Variants in YPEL2 observed in about 807,000 individuals in gnomAD.
YPEL2 encodes the protein yippee like 2.
Under a neutral mutation model 19.1 loss-of-function variants are expected in YPEL2, and 2 were observed. The ratio of observed to expected loss-of-function variants is 0.10; its 90% CI spans 0.04 to 0.33. The LOEUF (loss-of-function observed/expected upper bound fraction) is 0.33. Among genes scored for constraint, YPEL2 ranks in the 10% least tolerant of loss-of-function variants. YPEL2 has a pLI of 1.00. For synonymous variants in YPEL2, 52 were observed against 50.0 expected (o/e 1.04, Z -0.17); for missense variants, 66 against 140.7 (o/e 0.47, Z 2.68).
chr17:59,387,669 A>T (rs1013413043), intron 2 of YPEL2, among the ~76,000 whole-genome samples: 2 of 152,154 alleles, frequency 1.3e-5, no homozygotes, highest in African/African-American at 4.8e-5. Context: ...AAAGAAACTA[A>T]TATGTAAGCT....
chr17:59,334,093 C>G (rs2047686154), intron 1 of YPEL2, among the ~76,000 whole-genome samples: 1 of 152,196 alleles, frequency 6.6e-6, no homozygotes, highest in Admixed American at 6.5e-5. Context: ...CCCTCCCTCT[C>G]CACTCCAGCC....
intron 3 of YPEL2, 173 bp from the exon 4 acceptor site, chr17:59,389,186 CA>C (rs148678006): frequency 0.025 from 14,020 of 565,434 alleles, 242 homozygotes; most frequent in Middle Eastern, 0.036. Context: ...AATTTCCTTC[CA>C]GCTGAGATAT....
rs927902932 is a variant in YPEL2 at position 59,353,300 on chromosome 17, G to A, written c.-110G>A. The A allele has an allele frequency of 2.0e-5, 15 of 762,376 alleles. No homozygotes were observed. The highest frequency in any genetic ancestry group is 3.5e-5 in the African/African-American group (2 of 57,260). The allele number at this position is 762,376 out of a possible 1,614,324, so 47.2% of individuals were successfully genotyped here. A position where few individuals can be genotyped will look rare whatever the true frequency, so the allele number is the denominator to read the frequency against. ...TGTGTGGAGCCTGCCACACCCACCC[G>A]CTGCCAAACCACGGCCTTTACCTGT... is the stretch of plus-strand genomic sequence containing the variant. On this transcript the variant is annotated 5_prime_UTR_variant, in exon 2 of 5. Transcript: ENST00000312655. This position sits in a 1 kb window ranked among gnomAD's most constrained non-coding sequence, Gnocchi z 4.8.
chr17:59,355,182 T>G lies in YPEL2; in HGVS notation c.117+1656T>G, dbSNP rs114982392. 202 of 152,332 alleles carry G rather than the reference T, an allele frequency of 1.3e-3. 1 individual carries two copies. Among genetic ancestry groups the G allele is most frequent in the African/African-American group, 4.5e-3 (189 of 41,566 alleles). The allele number at this position is 152,332 out of a possible 1,614,324, so 9.4% of individuals were successfully genotyped here. A position where few individuals can be genotyped will look rare whatever the true frequency, so the allele number is the denominator to read the frequency against. On this transcript the variant is annotated intron_variant, in intron 2 of 4. Coordinates refer to ENST00000312655, the MANE Select transcript of YPEL2 (RefSeq NM_001005404.4). ...TAACTTAACCTTCATATGAAGTCTTTAAGGTAGTTGACATGAGTCATACTT... is the reference window on the plus strand; with the variant it reads ...TAACTTAACCTTCATATGAAGTCTTGAAGGTAGTTGACATGAGTCATACTT...
intron 4 of YPEL2, among the ~76,000 whole-genome samples, chr17:59,396,304 A>G (rs2048039012): frequency 1.3e-5 from 2 of 152,250 alleles, no homozygotes; most frequent in South Asian, 4.1e-4. Flanking sequence ...GGCTACAGCC[A>G]TGAGCTAAAC....
chr17:59,349,366 T>TC (rs1347679242), intron 1 of YPEL2, among the ~76,000 whole-genome samples: 2 of 145,022 alleles, frequency 1.4e-5, no homozygotes, highest in African/African-American at 2.5e-5. Context: ...TTCTTTTTTT[T>TC]TTTTTTTTTT....
chr17:59,342,897 A>C (rs886794774), intron 1 of YPEL2, among the ~76,000 whole-genome samples: 5 of 152,166 alleles, frequency 3.3e-5, no homozygotes, highest in African/African-American at 1.2e-4. Context: ...TGGAACTCTA[A>C]GCTTTTCACT....
intron 2 of YPEL2, among the ~76,000 whole-genome samples, chr17:59,358,979 A>C (rs2047827359): frequency 7.3e-6 from 1 of 137,614 alleles, no homozygotes; most frequent in Non-Finnish European, 1.5e-5. Context: ...GCTGGAATGC[A>C]GTGGTATGAT....
chr17:59,368,295 G>C (rs992987637), intron 2 of YPEL2, among the ~76,000 whole-genome samples: 3 of 152,078 alleles, frequency 2.0e-5, no homozygotes, highest in African/African-American at 7.2e-5. Flanking sequence ...TATTGCCCAG[G>C]GTGGTCTAAA....
intron 2 of YPEL2, among the ~76,000 whole-genome samples, chr17:59,357,983 T>G (rs1362516270): frequency 6.6e-6 from 1 of 152,194 alleles, no homozygotes; most frequent in East Asian, 1.9e-4. Context: ...CTATTTACGC[T>G]ATTGTTATGT....
In YPEL2 at chr17:59,397,318, C is replaced by A; in HGVS notation, c.*128C>A. ...GGGCCTTGCCATCCGGGGCATCCTC[C>A]CACCCTGACGCCATCTTTCTGGTGA... On this transcript the variant is annotated 3_prime_UTR_variant, in exon 5 of 5. Coordinates refer to ENST00000312655, the MANE Select transcript of YPEL2 (RefSeq NM_001005404.4). 1 of 573,678 alleles carries A rather than the reference C, an allele frequency of 1.7e-6. No individual in the cohort carries two copies. Among genetic ancestry groups the A allele is most frequent in the Non-Finnish European group, 2.9e-6 (1 of 343,526 alleles). 35.5% of individuals were successfully genotyped at this position (573,678 alleles called of 1,614,324 possible).
chr17:59,366,566 C>G (rs2047870432), intron 2 of YPEL2, among the ~76,000 whole-genome samples: 1 of 152,176 alleles, frequency 6.6e-6, no homozygotes, highest in African/African-American at 2.4e-5. Context: ...GCCCCTTGTT[C>G]TCTGATGCAT....
chr17:59,388,176 C>T, intron 2 of YPEL2, 151 bp from the exon 3 acceptor site: 1 of 766,738 alleles, frequency 1.3e-6, no homozygotes, highest in Non-Finnish European at 2.3e-6. Flanking sequence ...TCCGCCCCCA[C>T]ACCATCTGCC....
intron 4 of YPEL2, among the ~76,000 whole-genome samples, chr17:59,395,544 C>T (rs1247121750): frequency 6.6e-6 from 1 of 152,116 alleles, no homozygotes; most frequent in Admixed American, 6.6e-5. Context: ...GCCCACAGTG[C>T]TGTGGGTTTA....
chr17:59,397,315 C>A lies in YPEL2; in HGVS notation c.*125C>A. The A allele has an allele frequency of 1.7e-6, 1 of 595,484 alleles. No homozygotes were observed. The highest frequency in any genetic ancestry group is 2.8e-6 in the Non-Finnish European group (1 of 363,430). 36.9% of individuals were successfully genotyped at this position (595,484 alleles called of 1,614,324 possible). A position where few individuals can be genotyped will look rare whatever the true frequency, so the allele number is the denominator to read the frequency against. On this transcript the variant is annotated 3_prime_UTR_variant, in exon 5 of 5. Transcript: ENST00000312655. ...TAGGGGCCTTGCCATCCGGGGCATC[C>A]TCCCACCCTGACGCCATCTTTCTGG...
At chr17:59,332,725 T>C (rs755689398) in intron 1 of YPEL2, among the ~76,000 whole-genome samples, 14 of 152,060 alleles carry the variant, frequency 9.2e-5, no homozygotes, top group Non-Finnish European at 1.3e-4. Flanking sequence ...GGTGAGCGAG[T>C]GTCTTGTTTT....
intron 2 of YPEL2, among the ~76,000 whole-genome samples, chr17:59,368,533 T>A (rs543894850): frequency 6.6e-6 from 1 of 152,284 alleles, no homozygotes; most frequent in South Asian, 2.1e-4. Context: ...TTTACTAAGA[T>A]GAGTGTTTAG....
intron 2 of YPEL2, among the ~76,000 whole-genome samples, chr17:59,368,035 G>C (rs190166298): frequency 1.4e-3 from 215 of 152,184 alleles, no homozygotes; most frequent in African/African-American, 4.9e-3. Context: ...AAATCCTACT[G>C]TATGAAGCAC....
At chr17:59,395,079 G>GAA (rs2048031795) in intron 4 of YPEL2, among the ~76,000 whole-genome samples, 1 of 150,732 alleles carries the variant, frequency 6.6e-6, no homozygotes, top group Non-Finnish European at 1.5e-5. Flanking sequence ...GGAGACCGTG[G>GAA]GGAGAGGGAG....
Sources: allele counts gnomAD v4.1 joint callset (sites outside exome capture counted in the v4.1 genomes callset), GRCh38; gene constraint gnomAD v4.1.1; non-coding constraint Gnocchi (gnomAD v3.1); transcripts MANE v1.5; gene names NCBI Gene and HGNC (gene_info 2026-07-23, HGNC 2026-07-21).